SLAMF1: variants seen among roughly 807,000 people sequenced by gnomAD.
SLAMF1 encodes signaling lymphocytic activation molecule.
A neutral mutation model predicts 35.1 loss-of-function variants in SLAMF1; 18 were observed. That is an observed-to-expected ratio of 0.51 (90% CI 0.35 to 0.76). The LOEUF (loss-of-function observed/expected upper bound fraction) is 0.76, where lower values mean the gene tolerates loss of function less well. Ranked by LOEUF, SLAMF1 falls within the 30% of genes least tolerant of loss-of-function variation. The probability of loss-of-function intolerance (pLI) is 0.01; values close to 1 mark genes in which losing one functional copy is unlikely to be tolerated. For synonymous variants in SLAMF1, 168 were observed against 157.2 expected (o/e 1.07, Z -0.51); for missense variants, 392 against 413.0 (o/e 0.95, Z 0.44).
chr1:160,629,609 A>G (rs989600416), intron 3 of SLAMF1, among the ~76,000 whole-genome samples: 1 of 152,156 alleles, frequency 6.6e-6, no homozygotes, highest in African/African-American at 2.4e-5. Context: ...CATCCAAGTA[A>G]ACATTTTTAC....
rs759595270 is a variant in SLAMF1, at chr1:160,619,858, A to G, written c.791-9T>C. 1 of 1,592,704 alleles carries G rather than the reference A, an allele frequency of 6.3e-7. No homozygotes were observed. Among genetic ancestry groups the G allele is most frequent in the Non-Finnish European group, 8.6e-7 (1 of 1,160,474 alleles). ...GTAATGGTTCGTTTTACCTGGTGAA[A>G]AGAAACCATAATGGTTATCTCCCTC... On this transcript the variant is annotated splice_polypyrimidine_tract_variant and intron_variant, in intron 4 of 6. Transcript: ENST00000302035.
chr1:160,616,080 T>C (rs1199203237), intron 5 of SLAMF1, among the ~76,000 whole-genome samples: 4 of 152,372 alleles, frequency 2.6e-5, no homozygotes, highest in Admixed American at 1.3e-4. Context: ...CAACTCCTTA[T>C]GTGAATTAGC....
chr1:160,631,454 G>A (rs1660161204), intron 3 of SLAMF1, among the ~76,000 whole-genome samples: 1 of 152,170 alleles, frequency 6.6e-6, no homozygotes, highest in South Asian at 2.1e-4. Context: ...GGTCATTAGG[G>A]AGATGTTTTG....
In SLAMF1 at chr1:160,624,175, T is replaced by G. The variant is rs150911765; in HGVS notation, c.711A>C (p.Pro237=). 3 of 1,607,026 alleles carry G rather than the reference T, an allele frequency of 1.9e-6. No individual in the cohort carries two copies. Among genetic ancestry groups the G allele is most frequent in the Non-Finnish European group, 2.5e-6 (3 of 1,177,134 alleles). The change falls in exon 4 of 7, where the codon CCA becomes CCC. Residue 237 remains proline, a synonymous_variant. Transcript: ENST00000302035. ...GCRTDPSETK[P]WAVYAGLLGG... is the part of the protein sequence containing the mutation. The stretch of plus-strand genomic sequence containing the variant: ...CTAACAGCCCAGCATACACTGCCCA[T>G]GGTTTTGTTTCTGGAAAAAAAAAGA...
rs1275638881 is a variant in SLAMF1 at position 160,642,192 on chromosome 1, T to C, written c.77-4663A>G. Among the ~76,000 whole-genome samples the C allele has an allele frequency of 6.6e-6, 1 of 152,224 alleles. No homozygotes were observed. The highest frequency in any genetic ancestry group is 1.5e-5 in the Non-Finnish European group (1 of 68,042). On this transcript the variant is annotated intron_variant, in intron 1 of 6. Coordinates refer to ENST00000302035, the MANE Select transcript of SLAMF1 (RefSeq NM_003037.5). The surrounding 1 kb of genome is among the most constrained non-coding windows in gnomAD (Gnocchi z 4.2). ...AGACATCTTGTCTGTGTTTGCTTTTTAAACTGTATCCCCATCAGTCAAAGT... is the reference window on the plus strand; with the variant it reads ...AGACATCTTGTCTGTGTTTGCTTTTCAAACTGTATCCCCATCAGTCAAAGT...
Position 160,608,202 on chromosome 1 carries a change from C to T in SLAMF1, c.*2546G>A, listed in dbSNP as rs375081068. 9.8e-5 allele frequency: 15 copies of T among 152,314 alleles called. No individual in the cohort carries two copies. In the East Asian group the frequency reaches 1.7e-3, roughly 18 times the overall value. 9.4% of individuals were successfully genotyped at this position (152,314 alleles called of 1,614,324 possible). ...ATTCACAGTGGCTTCTCAGCCAGCA[C>T]ACACCACCCGCTGTAACAATCACAT... On this transcript the variant is annotated 3_prime_UTR_variant, in exon 7 of 7. Transcript: ENST00000302035.
intron 3 of SLAMF1, among the ~76,000 whole-genome samples, chr1:160,633,636 G>T (rs945717650): frequency 1.3e-5 from 2 of 152,200 alleles, no homozygotes; most frequent in Non-Finnish European, 2.9e-5. Flanking sequence ...CAACACCCTG[G>T]TCCTACAGTC....
At chr1:160,633,721 T>G (rs1039419491) in intron 3 of SLAMF1, among the ~76,000 whole-genome samples, 2 of 152,160 alleles carry the variant, frequency 1.3e-5, no homozygotes, top group African/African-American at 2.4e-5. Context: ...ATCCAAGTGG[T>G]TAAATGGGCT....
chr1:160,619,232 T>C (rs1659477201), intron 5 of SLAMF1, among the ~76,000 whole-genome samples: 2 of 152,214 alleles, frequency 1.3e-5, no homozygotes. Flanking sequence ...AACTTCACCA[T>C]GCATCCAGTT....
intron 3 of SLAMF1, among the ~76,000 whole-genome samples, chr1:160,633,307 C>G (rs888172068): frequency 2.6e-5 from 4 of 152,128 alleles, no homozygotes; most frequent in Non-Finnish European, 5.9e-5. Context: ...ACGGGGGACT[C>G]TGGCTATGAA....
At chr1:160,623,800 C>T (rs1028914963) in intron 4 of SLAMF1, among the ~76,000 whole-genome samples, 1 of 152,142 alleles carries the variant, frequency 6.6e-6, no homozygotes, top group African/African-American at 2.4e-5. Flanking sequence ...CTTCAGCATC[C>T]TGTGTTTACC....
At chr1:160,640,373 C>CACAT (rs373398900) in intron 1 of SLAMF1, among the ~76,000 whole-genome samples, 1,723 of 134,494 alleles carry the variant, frequency 0.013, 49 homozygotes, top group African/African-American at 0.045. Context: ...CACACACACA[C>CACAT]ACATATATAT....
chr1:160,612,150 A>G (rs903236377), intron 6 of SLAMF1, among the ~76,000 whole-genome samples: 7 of 152,096 alleles, frequency 4.6e-5, no homozygotes, highest in Admixed American at 6.5e-5. Context: ...CTGGAAAACC[A>G]AAGCCACAGA....
At chr1:160,614,106 A>G (rs1230120196) in intron 5 of SLAMF1, among the ~76,000 whole-genome samples, 1 of 152,236 alleles carries the variant, frequency 6.6e-6, no homozygotes, top group East Asian at 1.9e-4. Context: ...AGTAAAAAGG[A>G]GCTAGGCAAC....
chr1:160,623,110 G>A (rs80276689), intron 4 of SLAMF1, among the ~76,000 whole-genome samples: 1,736 of 152,248 alleles, frequency 0.011, 12 homozygotes, highest in East Asian at 0.026. Context: ...TAAGCCAAGT[G>A]TGGTTGAGGA....
chr1:160,642,167 A>G lies in SLAMF1; in HGVS notation c.77-4638T>C, dbSNP rs3766363. Among the ~76,000 whole-genome samples, 76,737 of 152,070 alleles carry G rather than the reference A, an allele frequency of 0.5. 21,684 individuals are homozygous for G. Among genetic ancestry groups the G allele is most frequent in the Non-Finnish European group, 0.63 (42,743 of 67,966 alleles). Reference sequence around the variant, plus strand: ...TGGTAAATTTAGGCTCAGAAAGAAAAGACATCTTGTCTGTGTTTGCTTTTT... The same window carrying G: ...TGGTAAATTTAGGCTCAGAAAGAAAGGACATCTTGTCTGTGTTTGCTTTTT... On this transcript the variant is annotated intron_variant, in intron 1 of 6. Transcript: ENST00000302035. The surrounding 1 kb of genome is among the most constrained non-coding windows in gnomAD (Gnocchi z 4.2).
At chr1:160,644,585 C>T (rs1437377723) in intron 1 of SLAMF1, among the ~76,000 whole-genome samples, 5 of 152,178 alleles carry the variant, frequency 3.3e-5, no homozygotes, top group African/African-American at 9.7e-5. Flanking sequence ...ATTTTGTTTT[C>T]CCCACACCTT....
In SLAMF1 at chr1:160,637,433, T is replaced by G. The variant is rs746181806; in HGVS notation, c.173A>C (p.Lys58Thr). 1.2e-6 allele frequency: 2 copies of G among 1,614,174 alleles called. No individual in the cohort carries two copies. The highest frequency in any genetic ancestry group is 2.2e-5 in the South Asian group (2 of 91,078). The change falls in exon 2 of 7, where the codon AAA becomes ACA. Residue 58 changes from lysine (K) to threonine (T), a missense_variant. Physicochemically the swap from Lys to Thr is moderately conservative, Grantham distance 78. Transcript: ENST00000302035. ...CATTGTGACGACAATGTGGATGCTT[T>G]TGTTCATGCTCTTATTTATCCTTTC... The part of the protein sequence containing the change: ...TYERINKSMN[K>T]SIHIVVTMAK...
At chr1:160,616,091 A>G (rs1037493967) in intron 5 of SLAMF1, among the ~76,000 whole-genome samples, 2 of 152,218 alleles carry the variant, frequency 1.3e-5, no homozygotes, top group African/African-American at 4.8e-5. Flanking sequence ...GTGAATTAGC[A>G]TAAATCTTTA....
Sources: allele counts gnomAD v4.1 joint callset (sites outside exome capture counted in the v4.1 genomes callset), GRCh38; gene constraint gnomAD v4.1.1; non-coding constraint Gnocchi (gnomAD v3.1); transcripts MANE v1.5; gene names NCBI Gene and HGNC (gene_info 2026-07-23, HGNC 2026-07-21).